The following MUC6 variants were observed in gnomAD, a reference collection of about 807,000 sequenced individuals.
MUC6 encodes the protein mucin 6, oligomeric mucus/gel-forming (gene/pseudogene).
Under a neutral mutation model 201.5 loss-of-function variants are expected in MUC6, and 188 were observed. The observed-to-expected ratio is 0.93, with a 90% confidence interval of 0.83 to 1.05. The LOEUF is 1.05. Among genes scored for constraint, MUC6 ranks in the 50% least tolerant of loss-of-function variants. The pLI is 0.00. For synonymous variants in MUC6, 1,228 were observed against 1,389.4 expected (o/e 0.88, Z 2.58); for missense variants, 2,706 against 3,256.9 (o/e 0.83, Z 4.12).
rs560520529 is a variant in MUC6 at position 1,020,252 on chromosome 11, G to A, written c.3646C>T (p.Arg1216Trp). ...GTCATGGGCCAGACTTGCGTGGGCC[G>A]TGAGCCTGGGTGGGCGGACATGCCA... is the stretch of plus-strand genomic sequence containing the variant. ...TTPQLPTTGSRPTQVWPMTGT... is the reference protein window; with the variant it reads ...TTPQLPTTGSWPTQVWPMTGT... The change falls in exon 29 of 33, where the codon CGG (arginine) becomes TGG (tryptophan). Residue 1216 changes from arginine to tryptophan, a missense_variant. By Grantham distance (101) the Arg-to-Trp change is moderately radical (BLOSUM62 -3). Coordinates refer to ENST00000421673, the MANE Select transcript of MUC6 (RefSeq NM_005961.3). 17 of 1,600,972 alleles carry A rather than the reference G, an allele frequency of 1.1e-5. No individual in the cohort carries two copies. Among genetic ancestry groups the A allele is most frequent in the South Asian group, 3.3e-5 (3 of 90,228 alleles).
At chr11:1,015,092 G>A (rs1210364252) in intron 31 of MUC6, among the ~76,000 whole-genome samples, 5 of 152,238 alleles carry the variant, frequency 3.3e-5, no homozygotes. Flanking sequence ...CACCCAGGAG[G>A]GAAGGGAGGG....
intron 32 of MUC6, 122 bp from the exon 33 acceptor site, chr11:1,013,755 G>T (rs1220391972): frequency 1.1e-5 from 15 of 1,399,586 alleles, no homozygotes; most frequent in Non-Finnish European, 1.4e-5. Flanking sequence ...GCTCACAGGG[G>T]CCAGGGCGGT....
intron 8 of MUC6, 87 bp downstream of exon 8, chr11:1,030,126 G>C (rs1304317250): frequency 7.0e-7 from 1 of 1,427,904 alleles, no homozygotes; most frequent in Non-Finnish European, 9.3e-7. Flanking sequence ...GGTGACCTGG[G>C]TCGGGGTGGG....
Position 1,018,590 on chromosome 11 carries a change from T to C in MUC6, c.4211A>G (p.His1404Arg). 3 of 1,612,534 alleles carry C rather than the reference T, an allele frequency of 1.9e-6. No homozygotes were observed. Among genetic ancestry groups the C allele is most frequent in the Admixed American group, 3.3e-5 (2 of 59,856 alleles). Residue 1404 changes from histidine to arginine, a missense_variant, in exon 31 of 33, where the codon CAC (histidine) becomes CGC (arginine). Physicochemically the swap from His to Arg is conservative, Grantham distance 29 (BLOSUM62 0). Coordinates refer to ENST00000421673, the MANE Select transcript of MUC6 (RefSeq NM_005961.3). Reference sequence around the variant, plus strand: ...CGCCGTAGGCGGGGAGTGTGTGGTGTGTGGGGTTTGGGGCGTTGTGTATTC... The same window carrying C: ...CGCCGTAGGCGGGGAGTGTGTGGTGCGTGGGGTTTGGGGCGTTGTGTATTC... ...TTEYTTPQTP[H>R]TTHSPPTAGS...
Position 1,033,040 on chromosome 11 carries a change from G to A in MUC6, c.88C>T (p.Gln30Ter). ...GTCTGTGGAGAGTCCTTCAGCCTCT[G>A]GAGGCCTGGGCTGGTGTAGGAGGTG... ...ANTSYTSPGL[Q>*]RLKDSPQTAP... is the part of the protein sequence containing the mutation. The change falls in exon 2 of 33, where the codon CAG (glutamine) becomes TAG (stop). Residue 30 changes from glutamine (Q) to a stop codon, truncating the protein, a stop_gained. Transcript: ENST00000421673. LOFTEE classifies it high-confidence loss of function. The surrounding 1 kb of genome is among the most constrained non-coding windows in gnomAD (Gnocchi z 5.6). The A allele has an allele frequency of 5.0e-6, 8 of 1,608,028 alleles. No individual in the cohort carries two copies. Among genetic ancestry groups the A allele is most frequent in the Non-Finnish European group, 6.0e-6 (7 of 1,175,210 alleles).
rs1857056093 is a variant in MUC6, at chr11:1,029,707, G to C, written c.1016-92C>G. ...CCAGGGAGACGCCCCCTCCAGCCTG[G>C]CTCCAGGGAGACGCCCCCTCCAGCC... On this transcript the variant is annotated intron_variant, in intron 8 of 32. Coordinates refer to ENST00000421673, the MANE Select transcript of MUC6 (RefSeq NM_005961.3). The C allele has an allele frequency of 3.4e-6, 5 of 1,465,216 alleles. No homozygotes were observed. In the Admixed American group the frequency reaches 7.7e-5, roughly 23 times the overall value. The allele number at this position is 1,465,216 out of a possible 1,614,324, so 90.8% of individuals were successfully genotyped here. A position where few individuals can be genotyped will look rare whatever the true frequency, so the allele number is the denominator to read the frequency against.
intron 1 of MUC6, among the ~76,000 whole-genome samples, chr11:1,035,911 C>T (rs1424863674): frequency 6.6e-6 from 1 of 152,132 alleles, no homozygotes; most frequent in Admixed American, 6.5e-5. Context: ...CAGAGGGACC[C>T]CTTGGGGCTG....
chr11:1,035,957 A>T (rs998378226), intron 1 of MUC6, among the ~76,000 whole-genome samples: 1 of 152,082 alleles, frequency 6.6e-6, no homozygotes, highest in South Asian at 2.1e-4. Context: ...ACTGATGGTC[A>T]CCTGCAGCAG....
intron 26 of MUC6, among the ~76,000 whole-genome samples, chr11:1,022,362 C>T (rs1458270293): frequency 6.6e-6 from 1 of 151,768 alleles, no homozygotes; most frequent in Non-Finnish European, 1.5e-5. Flanking sequence ...CTGCCCTCTG[C>T]AGCCCGCGCC....
chr11:1,016,305 C>T lies in MUC6; in HGVS notation c.6496G>A (p.Val2166Met), dbSNP rs371279050. The change falls in exon 31 of 33, where the codon GTG becomes ATG. Residue 2166 changes from valine (V) to methionine (M), a missense_variant. Coordinates refer to ENST00000421673, the MANE Select transcript of MUC6 (RefSeq NM_005961.3). ...SPSVGTSSSF[V>M]SAPVHSTTLS... is the part of the protein sequence containing the mutation. ...GTTGTGGAGTGCACGGGGGCGGACA[C>T]GAAAGAGGAAGATGTGCCAACAGAA... 34 of 1,610,690 alleles carry T rather than the reference C, an allele frequency of 2.1e-5. No individual in the cohort carries two copies. Among genetic ancestry groups the T allele is most frequent in the South Asian group, 9.9e-5 (9 of 90,690 alleles).
At position 1,020,694 on chromosome 11, in the gene MUC6, C is replaced by T. The variant is rs538055024; in HGVS notation, c.3630G>A (p.Leu1210=). 16 of 1,613,436 alleles carry T rather than the reference C, an allele frequency of 9.9e-6. No homozygotes were observed. The East Asian group carries it at 3.6e-4, about 36-fold the overall frequency. The change falls in exon 28 of 33, where the codon CTG becomes CTA. Residue 1210 remains leucine (L), a synonymous_variant. Transcript: ENST00000421673. ...TTPQPPTTPQ[L]PTTGSRPTQV... ...TGTGCGTGCAATTACCTGTGGTGGGCAGCTGCGGCGTGGTGGGTGGCTGCG... is the reference window on the plus strand; with the variant it reads ...TGTGCGTGCAATTACCTGTGGTGGGTAGCTGCGGCGTGGTGGGTGGCTGCG...
chr11:1,023,838 G>C, intron 25 of MUC6, 109 bp downstream of exon 25: 1 of 1,471,936 alleles, frequency 6.8e-7, no homozygotes, highest in South Asian at 1.3e-5. Flanking sequence ...GGCACAGCCC[G>C]GCGCCTGTCC....
chr11:1,024,280 G>T (rs544681572), intron 24 of MUC6, among the ~76,000 whole-genome samples, 177 bp from the exon 25 acceptor site: 279 of 152,300 alleles, frequency 1.8e-3, no homozygotes, highest in African/African-American at 6.5e-3. Flanking sequence ...TCCCGGAGCC[G>T]ATGCTGCCAC....
chr11:1,024,693 C>T, intron 24 of MUC6, 151 bp downstream of exon 24: 2 of 1,314,556 alleles, frequency 1.5e-6, no homozygotes, highest in East Asian at 2.5e-5. Context: ...GCCCTGCACT[C>T]AGGCAGAGGG....
chr11:1,020,256 G>A lies in MUC6; in HGVS notation c.3642C>T (p.Gly1214=). Residue 1214 remains glycine, a splice_region_variant and synonymous_variant, in exon 29 of 33, where the codon GGC becomes GGT. Transcript: ENST00000421673. The part of the protein sequence containing the change: ...PPTTPQLPTT[G]SRPTQVWPMT... Reference sequence around the variant, plus strand: ...TGGGCCAGACTTGCGTGGGCCGTGAGCCTGGGTGGGCGGACATGCCATCAG... The same window carrying A: ...TGGGCCAGACTTGCGTGGGCCGTGAACCTGGGTGGGCGGACATGCCATCAG... 1.2e-6 allele frequency: 2 copies of A among 1,600,994 alleles called. No homozygotes were observed. The highest frequency in any genetic ancestry group is 8.5e-7 in the Non-Finnish European group (1 of 1,174,492).
rs780465937 is a variant in MUC6 at position 1,016,325 on chromosome 11, A to G, written c.6476T>C (p.Val2159Ala). The G allele has an allele frequency of 4.3e-6, 7 of 1,611,438 alleles. No homozygotes were observed. The South Asian group carries it at 7.7e-5, about 18-fold the overall frequency. The change falls in exon 31 of 33, where the codon GTT becomes GCT. Residue 2159 changes from valine (V) to alanine (A), a missense_variant. This residue lies in a region of MUC6 where 586 missense variants were observed against 488.0 expected (regional missense o/e 1.20). Coordinates refer to ENST00000421673, the MANE Select transcript of MUC6 (RefSeq NM_005961.3). Reference protein sequence around the residue: ...HSSPQTSSPSVGTSSSFVSAP... With the variant: ...HSSPQTSSPSAGTSSSFVSAP... ...GGACACGAAAGAGGAAGATGTGCCA[A>G]CAGAAGGCGATGAAGTCTGGGGAGA... is the stretch of plus-strand genomic sequence containing the variant.
rs772488110 is a variant in MUC6 at position 1,018,284 on chromosome 11, G to T, written c.4517C>A (p.Thr1506Asn). The T allele has an allele frequency of 1.1e-5, 17 of 1,613,882 alleles. No individual in the cohort carries two copies. Among genetic ancestry groups the T allele is most frequent in the Non-Finnish European group, 1.4e-5 (16 of 1,179,840 alleles). ...GCTGTGGGCTTGGCTGGTCCCACTG[G>T]TGGTCGGCGTTATTGGTGGGGCTGT... ...THTAPPITPTTSGTSQAHSSF... is the reference protein window; with the variant it reads ...THTAPPITPTNSGTSQAHSSF... Residue 1506 changes from threonine to asparagine, a missense_variant, in exon 31 of 33, where the codon ACC becomes AAC. Physicochemically the swap from Thr to Asn is moderately conservative, Grantham distance 65. Around this residue, in one of 10 missense-constraint regions of MUC6, gnomAD observed 128 missense variants for 206.5 expected, o/e 0.62. Transcript: ENST00000421673.
rs751061176 is a variant in MUC6 at position 1,016,485 on chromosome 11, G to C, written c.6316C>G (p.Pro2106Ala). The C allele has an allele frequency of 6.2e-7, 1 of 1,612,092 alleles. No homozygotes were observed. The highest frequency in any genetic ancestry group is 2.2e-5 in the East Asian group (1 of 44,804). ...AAGTGGGGGAGTTGTGTGGTGATAG[G>C]TGATGACGGTGGCCTTGAGCTAGAG... ...QNSSSRPPSS[P>A]ITTQLPHLSS... The change falls in exon 31 of 33, where the codon CCT (proline) becomes GCT (alanine). Residue 2106 changes from proline (P) to alanine (A), a missense_variant. This residue lies in a region of MUC6 where 586 missense variants were observed against 488.0 expected (regional missense o/e 1.20). Transcript: ENST00000421673.
Position 1,024,932 on chromosome 11 carries a change from G to C in MUC6, c.3137C>G (p.Pro1046Arg). The stretch of plus-strand genomic sequence containing the variant: ...GCGCCGGAAGGCATTGAGACTGCAG[G>C]GGTCTGTCACGAAGCTCACGTCCCC... ...LCGDVSFVTD[P>R]CSLNAFRRSW... is the part of the protein sequence containing the mutation. The change falls in exon 24 of 33, where the codon CCC becomes CGC. Residue 1046 changes from proline (P) to arginine (R), a missense_variant. By Grantham distance (103) the Pro-to-Arg change is moderately radical. Coordinates refer to ENST00000421673, the MANE Select transcript of MUC6 (RefSeq NM_005961.3). The C allele has an allele frequency of 1.2e-6, 2 of 1,612,988 alleles. No homozygotes were observed. Among genetic ancestry groups the C allele is most frequent in the Non-Finnish European group, 1.7e-6 (2 of 1,179,892 alleles).
Sources: allele counts gnomAD v4.1 joint callset (sites outside exome capture counted in the v4.1 genomes callset), GRCh38; gene constraint gnomAD v4.1.1; regional missense constraint gnomAD v4.1.1; non-coding constraint Gnocchi (gnomAD v3.1); transcripts MANE v1.5; gene names NCBI Gene and HGNC (gene_info 2026-07-23, HGNC 2026-07-21).